Variants in LRRC4 observed in about 807,000 individuals in gnomAD.
LRRC4 encodes the protein leucine-rich repeat-containing protein 4.
A neutral mutation model predicts 37.9 loss-of-function variants in LRRC4; 11 were observed. The observed-to-expected ratio is 0.29, with a 90% CI of 0.18 to 0.48. LRRC4 has a LOEUF of 0.48. Ranked by LOEUF, LRRC4 falls within the 20% of genes least tolerant of loss-of-function variation. The probability of loss-of-function intolerance (pLI) is 0.99; values close to 1 mark genes in which losing one functional copy is unlikely to be tolerated. For synonymous variants in LRRC4, 404 were observed against 346.7 expected, an observed-to-expected ratio of 1.17 and a Z score of -1.84; for missense variants, 717 against 842.1, an observed-to-expected ratio of 0.85 and a Z score of 1.84.
In LRRC4 at chr7:128,028,851, A is replaced by G. The variant is rs779941315; in HGVS notation, c.1790T>C (p.Val597Ala). Residue 597 changes from valine (V) to alanine (A), a missense_variant, in exon 2 of 2, where the codon GTG becomes GCG. Physicochemically the swap from Val to Ala is moderately conservative, Grantham distance 64. Transcript: ENST00000249363. ...AATATGGTCATGAATTGTGGGCAGCACTACTGCCCCCTCACCTGATACACC... is the reference window on the plus strand; with the variant it reads ...AATATGGTCATGAATTGTGGGCAGCGCTACTGCCCCCTCACCTGATACACC... Reference protein sequence around the residue: ...PSGVSGEGAVVLPTIHDHINY... With the variant: ...PSGVSGEGAVALPTIHDHINY... 3 of 1,614,062 alleles carry G rather than the reference A, an allele frequency of 1.9e-6. No individual in the cohort carries two copies.
chr7:128,030,360 G>T lies in LRRC4; in HGVS notation c.281C>A (p.Thr94Asn), dbSNP rs1181040964. ...CTCCAGGTGGTGGAGGTGGCGGAAG[G>T]TGTCGGCCTGGATCATCTGGATGTT... ...ENNIQMIQADTFRHLHHLEVL... is the reference protein window; with the variant it reads ...ENNIQMIQADNFRHLHHLEVL... The change falls in exon 2 of 2, where the codon ACC becomes AAC. Residue 94 changes from threonine (T) to asparagine (N), a missense_variant. This residue lies in a region of LRRC4 where 127 missense variants were observed against 134.8 expected (regional missense o/e 0.94). Coordinates refer to ENST00000249363, the MANE Select transcript of LRRC4 (RefSeq NM_022143.5). 1.2e-6 allele frequency: 2 copies of T among 1,614,038 alleles called. No homozygotes were observed. The highest frequency in any genetic ancestry group is 1.3e-5 in the African/African-American group (1 of 75,056).
chr7:128,030,629 C>G lies in LRRC4; in HGVS notation c.12G>C (p.Leu4Phe), dbSNP rs1006088956. The change falls in exon 2 of 2, where the codon TTG becomes TTC. Residue 4 changes from leucine (L) to phenylalanine (F), a missense_variant. By Grantham distance (22) the Leu-to-Phe change is conservative. This residue lies in a region of LRRC4 where 127 missense variants were observed against 134.8 expected (regional missense o/e 0.94). Transcript: ENST00000249363. ...TGTGGTGGTGCACAGTTACCTGCCA[C>G]AAGAGCTTCATGGTGTGGCACGTTC... MKLLWQVTVHHHTW... is the reference protein window; with the variant it reads MKLFWQVTVHHHTW... The G allele has an allele frequency of 3.2e-6, 5 of 1,560,114 alleles. No individual in the cohort carries two copies. Among genetic ancestry groups the G allele is most frequent in the Non-Finnish European group, 4.4e-6 (5 of 1,149,418 alleles).
Position 128,029,129 on chromosome 7 carries a change from C to T in LRRC4, c.1512G>A (p.Val504=), listed in dbSNP as rs1792493895. 3 of 1,613,990 alleles carry T rather than the reference C, an allele frequency of 1.9e-6. No homozygotes were observed. Among genetic ancestry groups the T allele is most frequent in the African/African-American group, 1.3e-5 (1 of 74,882 alleles). ...CAGTGGTGTCTGTCGCGGGTACTGCCACCTGCTTGGGCACACGGGTAGTCT... is the reference window on the plus strand; with the variant it reads ...CAGTGGTGTCTGTCGCGGGTACTGCTACCTGCTTGGGCACACGGGTAGTCT... ...LIQTTRVPKQ[V]AVPATDTTDK... The change falls in exon 2 of 2, where the codon GTG becomes GTA. Residue 504 remains valine (V), a synonymous_variant. Coordinates refer to ENST00000249363, the MANE Select transcript of LRRC4 (RefSeq NM_022143.5). This position sits in a 1 kb window ranked among gnomAD's most constrained non-coding sequence, Gnocchi z 4.2.
In LRRC4 at chr7:128,030,590, G is replaced by A. The variant is rs377634897; in HGVS notation, c.51C>T (p.Ile17=). The change falls in exon 2 of 2, where the codon ATC becomes ATT. Residue 17 remains isoleucine, a synonymous_variant. Transcript: ENST00000249363. Reference sequence around the variant, plus strand: ...CCGTGAGGTAGACGAACGGGAGCAGGATGGCATTCCAGGTGTGGTGGTGCA... The same window carrying A: ...CCGTGAGGTAGACGAACGGGAGCAGAATGGCATTCCAGGTGTGGTGGTGCA... ...VTVHHHTWNA[I]LLPFVYLTAQ... The A allele has an allele frequency of 4.9e-5, 79 of 1,599,162 alleles. No homozygotes were observed. The highest frequency in any genetic ancestry group is 6.2e-5 in the Non-Finnish European group (73 of 1,170,250).
rs757832401 is a variant in LRRC4, at chr7:128,029,669, G to A, written c.972C>T (p.Thr324=). The change falls in exon 2 of 2, where the codon ACC becomes ACT. Residue 324 remains threonine, a synonymous_variant. Coordinates refer to ENST00000249363, the MANE Select transcript of LRRC4 (RefSeq NM_022143.5). The surrounding 1 kb of genome is among the most constrained non-coding windows in gnomAD (Gnocchi z 4.2). ...TGGGAGCATGACAGCGGCCACAGCA[G>A]GTGGAATTGGTGGGTATATACTCTC... ...WLREYIPTNS[T]CCGRCHAPMH... The A allele has an allele frequency of 3.7e-6, 6 of 1,613,842 alleles. No homozygotes were observed. The highest frequency in any genetic ancestry group is 5.1e-6 in the Non-Finnish European group (6 of 1,179,986).
chr7:128,030,126 G>A lies in LRRC4; in HGVS notation c.515C>T (p.Ser172Phe). Reference protein sequence around the residue: ...IPSYAFNRVPSLMRLDLGELK... With the variant: ...IPSYAFNRVPFLMRLDLGELK... ...CTCCCCCAAGTCCAGGCGCATGAGG[G>A]AGGGCACCCGGTTGAAGGCGTAAGA... Residue 172 changes from serine (S) to phenylalanine (F), a missense_variant, in exon 2 of 2, where the codon TCC becomes TTC. Physicochemically the swap from Ser to Phe is radical, Grantham distance 155. Transcript: ENST00000249363. The A allele has an allele frequency of 6.2e-7, 1 of 1,614,172 alleles. No homozygotes were observed. The highest frequency in any genetic ancestry group is 8.5e-7 in the Non-Finnish European group (1 of 1,180,044).
rs900183382 is a variant in LRRC4 at position 128,028,769 on chromosome 7, C to G, written c.1872G>C (p.Gly624=). ...TGGTGACTGTGGGGTGCAGAGAGTT[C>G]CCCAGGCTGTTTTCTGTCCAGTGGG... ...HGAHWTENSL[G]NSLHPTVTTI... is the part of the protein sequence containing the mutation. Residue 624 remains glycine, a synonymous_variant, in exon 2 of 2, where the codon GGG becomes GGC. Coordinates refer to ENST00000249363, the MANE Select transcript of LRRC4 (RefSeq NM_022143.5). The G allele has an allele frequency of 5.0e-6, 8 of 1,614,060 alleles. No homozygotes were observed. Among genetic ancestry groups the G allele is most frequent in the Non-Finnish European group, 2.5e-6 (3 of 1,180,010 alleles).
rs905921621 is a variant in LRRC4, at chr7:128,027,638, C to T, written c.*1041G>A. ...CCACTCCCAAGCTCCCCAATTCAGG[C>T]TTCTCCTCCCTCTCCACCTTAAAAC... On this transcript the variant is annotated 3_prime_UTR_variant, in exon 2 of 2. Transcript: ENST00000249363. 5 of 152,210 alleles carry T rather than the reference C, an allele frequency of 3.3e-5. No individual in the cohort carries two copies. Among genetic ancestry groups the T allele is most frequent in the African/African-American group, 1.2e-4 (5 of 41,446 alleles). 9.4% of individuals were successfully genotyped at this position (152,210 alleles called of 1,614,324 possible). A position where few individuals can be genotyped will look rare whatever the true frequency, so the allele number is the denominator to read the frequency against.
At position 128,029,957 on chromosome 7, in the gene LRRC4, G is replaced by A; in HGVS notation, c.684C>T (p.Asn228=). The change falls in exon 2 of 2, where the codon AAC becomes AAT. Residue 228 remains asparagine (N), a synonymous_variant. Coordinates refer to ENST00000249363, the MANE Select transcript of LRRC4 (RefSeq NM_022143.5). The surrounding 1 kb of genome is among the most constrained non-coding windows in gnomAD (Gnocchi z 4.2). ...VGLEELEMSG[N]HFPEIRPGSF... ...AGCCAGGCCTGATCTCAGGGAAGTGGTTCCCTGACATCTCCAGCTCCTCCA... is the reference window on the plus strand; with the variant it reads ...AGCCAGGCCTGATCTCAGGGAAGTGATTCCCTGACATCTCCAGCTCCTCCA... The A allele has an allele frequency of 1.9e-6, 3 of 1,613,150 alleles. No homozygotes were observed. Among genetic ancestry groups the A allele is most frequent in the Non-Finnish European group, 2.5e-6 (3 of 1,180,008 alleles).
At position 128,029,145 on chromosome 7, in the gene LRRC4, C is replaced by T. The variant is rs1410443521; in HGVS notation, c.1496G>A (p.Arg499His). ...TSTTVLIQTT[R>H]VPKQVAVPAT... ...GGGTACTGCCACCTGCTTGGGCACA[C>T]GGGTAGTCTGAATGAGCACCGTGGT... The change falls in exon 2 of 2, where the codon CGT becomes CAT. Residue 499 changes from arginine to histidine, a missense_variant. By Grantham distance (29) the Arg-to-His change is conservative. Coordinates refer to ENST00000249363, the MANE Select transcript of LRRC4 (RefSeq NM_022143.5). This position sits in a 1 kb window ranked among gnomAD's most constrained non-coding sequence, Gnocchi z 4.2. The T allele has an allele frequency of 1.9e-6, 3 of 1,613,906 alleles. No individual in the cohort carries two copies. The highest frequency in any genetic ancestry group is 1.7e-5 in the Admixed American group (1 of 59,990).
upstream of LRRC4, chr7:128,031,553 G>A (rs1225335940): frequency 6.6e-6 from 1 of 150,984 alleles, no homozygotes; most frequent in Non-Finnish European, 1.5e-5. Flanking sequence ...GACAAAAACG[G>A]GGGGTCAGTT....
rs1792592026 is a variant in LRRC4 at position 128,031,275 on chromosome 7, C to A, written c.-463G>T. On this transcript the variant is annotated 5_prime_UTR_variant, in exon 1 of 2. Coordinates refer to ENST00000249363, the MANE Select transcript of LRRC4 (RefSeq NM_022143.5). The stretch of plus-strand genomic sequence containing the variant: ...GGCTCGCTCCAGCCGCGGGGGAAGG[C>A]GCTTCATCGCCAAAGTGCGCTCCGG... Among the ~76,000 whole-genome samples, 1 of 151,002 alleles carries A rather than the reference C, an allele frequency of 6.6e-6. No individual in the cohort carries two copies. The highest frequency in any genetic ancestry group is 2.1e-4 in the South Asian group (1 of 4,700).
At chr7:128,032,119 ATACT>A (rs1792635010), upstream of LRRC4, 1 of 151,812 alleles carries the variant, frequency 6.6e-6, no homozygotes, top group Non-Finnish European at 1.5e-5. Context: ...CTGCTGACGC[ATACT>A]GTTCTGGGAG....
rs748262215 is a variant in LRRC4, at chr7:128,029,875, G to A, written c.766C>T (p.Leu256=). 1.2e-6 allele frequency: 2 copies of A among 1,613,390 alleles called. No individual in the cohort carries two copies. The highest frequency in any genetic ancestry group is 1.1e-5 in the South Asian group (1 of 91,086). The change falls in exon 2 of 2, where the codon CTG becomes TTG. Residue 256 remains leucine, a synonymous_variant. Coordinates refer to ENST00000249363, the MANE Select transcript of LRRC4 (RefSeq NM_022143.5). This position sits in a 1 kb window ranked among gnomAD's most constrained non-coding sequence, Gnocchi z 4.2. ...CCGTCAAAAGCATTCCGCTCAATCA[G>A]GCTGACCTGTGAGTTCATGACCCAG... ...KLWVMNSQVS[L]IERNAFDGLA...
At position 128,029,187 on chromosome 7, in the gene LRRC4, G is replaced by A. The variant is rs139266176; in HGVS notation, c.1454C>T (p.Pro485Leu). 32 of 1,613,976 alleles carry A rather than the reference G, an allele frequency of 2.0e-5. No homozygotes were observed. Among genetic ancestry groups the A allele is most frequent in the South Asian group, 1.5e-4 (14 of 91,070 alleles). Reference protein sequence around the residue: ...PVPTTSTGYQPAYTTSTTVLI... With the variant: ...PVPTTSTGYQLAYTTSTTVLI... ...CACCGTGGTAGAGGTGGTATATGCC[G>A]GCTGGTAACCAGTGGACGTGGTAGG... The change falls in exon 2 of 2, where the codon CCG (proline) becomes CTG (leucine). Residue 485 changes from proline to leucine, a missense_variant. Pro to Leu is a moderately conservative substitution (Grantham distance 98). Around this residue, in one of 5 missense-constraint regions of LRRC4, gnomAD observed 293 missense variants for 268.3 expected, o/e 1.09. Transcript: ENST00000249363. The surrounding 1 kb of genome is among the most constrained non-coding windows in gnomAD (Gnocchi z 4.2).
At chr7:128,031,907 G>A (rs1280229727), upstream of LRRC4, 1 of 151,148 alleles carries the variant, frequency 6.6e-6, no homozygotes, top group Non-Finnish European at 1.5e-5. Context: ...GCAGCGGCGT[G>A]AGCAGCGGGG....
chr7:128,031,608 GC>G, upstream of LRRC4: 1 of 149,100 alleles, frequency 6.7e-6, no homozygotes, highest in Non-Finnish European at 1.5e-5. Flanking sequence ...GCTCCGTCCG[GC>G]CCCCGAGGAC....
At chr7:128,031,719 GGGCGGGCGCGGGTCCGGCGGCGGC>G (rs1407616502), upstream of LRRC4, 2 of 145,738 alleles carry the variant, frequency 1.4e-5, no homozygotes, top group Non-Finnish European at 3.0e-5. Context: ...GAGAGTCCGG[GGGCGGGCGCGGGTCCGGCGGCGGC>G]GGCGGCCGCA....
Position 128,030,158 on chromosome 7 carries a change from G to A in LRRC4, c.483C>T (p.Ser161=), listed in dbSNP as rs746417454. The A allele has an allele frequency of 2.5e-6, 4 of 1,614,114 alleles. No individual in the cohort carries two copies. The highest frequency in any genetic ancestry group is 2.5e-6 in the Non-Finnish European group (3 of 1,180,052). ...ELWLRNNPIE[S]IPSYAFNRVP... is the part of the protein sequence containing the mutation. ...CCCGGTTGAAGGCGTAAGAGGGGAT[G>A]CTTTCGATGGGGTTGTTGCGAAGCC... Residue 161 remains serine, a synonymous_variant, in exon 2 of 2, where the codon AGC becomes AGT. Transcript: ENST00000249363.
Sources: gnomAD v4.1 joint callset for allele counts (sites outside exome capture counted in the v4.1 genomes callset) on GRCh38, gnomAD v4.1.1 for gene constraint, gnomAD v4.1.1 regional missense constraint, Gnocchi (gnomAD v3.1) non-coding constraint, MANE v1.5 for transcripts, NCBI Gene and HGNC (gene_info 2026-07-23, HGNC 2026-07-21) for gene names.